The following SLC35F3 variants were observed in gnomAD, a reference collection of about 807,000 sequenced individuals.
SLC35F3 encodes the protein solute carrier family 35 member F3.
In SLC35F3, 25 loss-of-function variants were observed where a neutral mutation model predicts 49.9. The ratio of observed to expected loss-of-function variants is 0.50; its 90% CI spans 0.37 to 0.70. The LOEUF (loss-of-function observed/expected upper bound fraction) is 0.70. Ranked by LOEUF, SLC35F3 falls within the 30% of genes least tolerant of loss-of-function variation. The pLI is 0.00. For synonymous variants in SLC35F3, 275 were observed against 265.4 expected, an observed-to-expected ratio of 1.04 and a Z score of -0.35; for missense variants, 525 against 639.8, an observed-to-expected ratio of 0.82 and a Z score of 1.94.
chr1:234,036,797 C>A (rs2102851008), intron 2 of SLC35F3, among the ~76,000 whole-genome samples: 1 of 152,298 alleles, frequency 6.6e-6, no homozygotes. Context: ...GTATTCACTG[C>A]CATCAATTTC....
At chr1:234,263,588 G>T (rs1667937280) in intron 3 of SLC35F3, among the ~76,000 whole-genome samples, 1 of 152,160 alleles carries the variant, frequency 6.6e-6, no homozygotes, top group African/African-American at 2.4e-5. Flanking sequence ...TGGAATTGTG[G>T]TCTCAGGTCC....
chr1:234,068,613 A>G lies in SLC35F3; in HGVS notation c.284-162804A>G, dbSNP rs140574556. ...ACTATAATAGAAGTAGGAACAAAGT[A>G]CAGTAGGAGCAGGAATAGCCAGTAA... On this transcript the variant is annotated intron_variant, in intron 2 of 7. Coordinates refer to ENST00000366618, the MANE Select transcript of SLC35F3 (RefSeq NM_173508.4). Among the ~76,000 whole-genome samples the G allele has an allele frequency of 2.8e-3, 426 of 151,938 alleles. 2 individuals carry two copies. The highest frequency in any genetic ancestry group is 9.6e-3 in the African/African-American group (396 of 41,446).
At chr1:234,197,688 C>G (rs78051246) in intron 2 of SLC35F3, among the ~76,000 whole-genome samples, 2,493 of 152,326 alleles carry the variant, frequency 0.016, 24 homozygotes, top group Non-Finnish European at 0.026. Context: ...GAGCTCAGCC[C>G]TCAAGCCTGC....
intron 2 of SLC35F3, among the ~76,000 whole-genome samples, chr1:234,098,353 C>T: frequency 7.9e-6 from 1 of 126,770 alleles, no homozygotes; most frequent in African/African-American, 3.1e-5. Flanking sequence ...GTGGTGGTGG[C>T]AGTTCAGATG....
Position 234,152,211 on chromosome 1 carries a change from C to CATT in SLC35F3, c.284-79193_284-79191dup, listed in dbSNP as rs143679645. 6.9e-4 allele frequency among the ~76,000 whole-genome samples: 99 copies of CATT among 142,640 alleles called. 1 individual carries two copies. The highest frequency in any genetic ancestry group is 3.6e-3 in the Middle Eastern group (1 of 280). The allele number at this position is 142,640 out of a possible 152,430, so 93.6% of individuals were successfully genotyped here. On this transcript the variant is annotated intron_variant, in intron 2 of 7. Transcript: ENST00000366618. Reference sequence around the variant, plus strand: ...GCAGTGCTAAAAGAAAATGGAGTAACATTATTATTATTATTGTTATTATTA... The same window carrying CATT: ...GCAGTGCTAAAAGAAAATGGAGTAACATTATTATTATTATTATTGTTATTATTA...
At chr1:233,913,602 C>T (rs1661920452) in intron 2 of SLC35F3, among the ~76,000 whole-genome samples, 1 of 152,170 alleles carries the variant, frequency 6.6e-6, no homozygotes, top group Non-Finnish European at 1.5e-5. Context: ...GATCAATAAA[C>T]ATTTGTTAAA....
intron 3 of SLC35F3, among the ~76,000 whole-genome samples, chr1:234,290,451 C>T (rs961180662): frequency 6.6e-6 from 1 of 152,158 alleles, no homozygotes; most frequent in Non-Finnish European, 1.5e-5. Context: ...AAAGTATACT[C>T]CCACACATGC....
At chr1:233,950,508 CTTCCTTCCTTCCTTT>C (rs945744206) in intron 2 of SLC35F3, among the ~76,000 whole-genome samples, 4 of 145,306 alleles carry the variant, frequency 2.8e-5, no homozygotes, top group South Asian at 2.3e-4. Flanking sequence ...CACTTCCTCC[CTTCCTTCCTTCCTTT>C]TTCCTTCCTT....
intron 2 of SLC35F3, among the ~76,000 whole-genome samples, chr1:234,063,781 T>C (rs1008414659): frequency 6.6e-6 from 1 of 152,270 alleles, no homozygotes; most frequent in South Asian, 2.1e-4. Context: ...CCTGAATTAC[T>C]GAGACCCAGC....
At chr1:233,920,795 A>G (rs112625696) in intron 2 of SLC35F3, among the ~76,000 whole-genome samples, 162 of 152,348 alleles carry the variant, frequency 1.1e-3, no homozygotes, top group Non-Finnish European at 1.9e-3. Context: ...TATGTGGCAA[A>G]GGATGGCAGG....
rs531902457 is a variant in SLC35F3, at chr1:234,073,204, C to T, written c.284-158213C>T. Among the ~76,000 whole-genome samples, 9 of 152,270 alleles carry T rather than the reference C, an allele frequency of 5.9e-5. No homozygotes were observed. The South Asian group carries it at 8.3e-4, about 14-fold the overall frequency. ...TGTCACCCAGGCTGGAATGCAGTGA[C>T]GTGATCATAGCACACTGCAGCCTTG... is the stretch of plus-strand genomic sequence containing the variant. On this transcript the variant is annotated intron_variant, in intron 2 of 7. Coordinates refer to ENST00000366618, the MANE Select transcript of SLC35F3 (RefSeq NM_173508.4).
intron 2 of SLC35F3, among the ~76,000 whole-genome samples, chr1:234,075,027 T>A (rs1459224612): frequency 6.6e-6 from 1 of 152,054 alleles, no homozygotes; most frequent in Non-Finnish European, 1.5e-5. Context: ...GACTTAGGAA[T>A]CAAGGAGAAA....
At chr1:234,218,080 G>A (rs1558263658) in intron 2 of SLC35F3, among the ~76,000 whole-genome samples, 1 of 152,316 alleles carries the variant, frequency 6.6e-6, no homozygotes, top group Middle Eastern at 3.4e-3. Flanking sequence ...GTGTTCTGGC[G>A]AGATTGATGG....
At chr1:234,131,151 G>A (rs1251431676) in intron 2 of SLC35F3, among the ~76,000 whole-genome samples, 1 of 151,446 alleles carries the variant, frequency 6.6e-6, no homozygotes, top group African/African-American at 2.4e-5. Context: ...AGAGGGGCAT[G>A]AGGGGGCTTC....
chr1:234,273,969 T>G (rs769184098), intron 3 of SLC35F3, among the ~76,000 whole-genome samples: 1 of 151,036 alleles, frequency 6.6e-6, no homozygotes, highest in African/African-American at 2.5e-5. Context: ...ATAGGCCACA[T>G]GCTGGATAGT....
At chr1:234,268,279 C>T (rs929813018) in intron 3 of SLC35F3, among the ~76,000 whole-genome samples, 3 of 152,150 alleles carry the variant, frequency 2.0e-5, no homozygotes, top group African/African-American at 7.2e-5. Flanking sequence ...ACAGCGAAAC[C>T]CCGTCTCCAC....
chr1:234,066,938 G>A (rs1664630986), intron 2 of SLC35F3, among the ~76,000 whole-genome samples: 1 of 150,942 alleles, frequency 6.6e-6, no homozygotes, highest in African/African-American at 2.4e-5. Context: ...AGTTCATTAG[G>A]GAATACATAA....
rs577917416 is a variant in SLC35F3 at position 234,061,137 on chromosome 1, C to T, written c.283+155379C>T. 2.6e-5 allele frequency among the ~76,000 whole-genome samples: 4 copies of T among 152,188 alleles called. No homozygotes were observed. In the South Asian group the frequency reaches 8.3e-4, roughly 32 times the overall value. On this transcript the variant is annotated intron_variant, in intron 2 of 7. Transcript: ENST00000366618. ...GCCTGAAGAATTTATTTTAGTACTT[C>T]TCGTAAGTCTTGTCTTCTAGCAACA...
chr1:234,139,109 G>A (rs1041177605), intron 2 of SLC35F3, among the ~76,000 whole-genome samples: 11 of 152,190 alleles, frequency 7.2e-5, no homozygotes, highest in African/African-American at 2.4e-4. Flanking sequence ...TGGCACTGAG[G>A]TCAGACAGAC....
Sources: allele counts gnomAD v4.1 joint callset (sites outside exome capture counted in the v4.1 genomes callset), GRCh38; gene constraint gnomAD v4.1.1; transcripts MANE v1.5; gene names NCBI Gene and HGNC (gene_info 2026-07-23, HGNC 2026-07-21).